ARHGAP15: variants seen among roughly 807,000 people sequenced by gnomAD.
ARHGAP15 encodes the protein Rho GTPase activating protein 15, also known as rho GTPase-activating protein 15.
ARHGAP15 carries 51 observed loss-of-function variants against 63.7 expected under a neutral mutation model. The ratio of observed to expected loss-of-function variants is 0.80; its 90% CI spans 0.64 to 1.01. The LOEUF is 1.01. ARHGAP15 is among the 50% of genes least tolerant of loss of function. The pLI is 0.00. For synonymous variants in ARHGAP15, 191 were observed against 193.8 expected (o/e 0.99, Z 0.12); for missense variants, 560 against 564.6 (o/e 0.99, Z 0.08).
intron 6 of ARHGAP15, among the ~76,000 whole-genome samples, chr2:143,329,828 T>A (rs900829155): frequency 2.0e-5 from 3 of 151,070 alleles, no homozygotes; most frequent in Admixed American, 2.0e-4. Context: ...GAGTTTTAAT[T>A]GCAAAACTTT....
intron 2 of ARHGAP15, among the ~76,000 whole-genome samples, chr2:143,182,884 T>C (rs1050313465): frequency 6.6e-6 from 1 of 152,116 alleles, no homozygotes; most frequent in African/African-American, 2.4e-5. Context: ...GAGCAGGACC[T>C]CAGGGGAGAA....
intron 6 of ARHGAP15, among the ~76,000 whole-genome samples, chr2:143,329,953 A>G (rs1184761142): frequency 1.4e-5 from 2 of 147,928 alleles, no homozygotes; most frequent in Non-Finnish European, 3.0e-5. Flanking sequence ...TTAGCCAAGC[A>G]TGGTGGCACA....
Position 143,407,987 on chromosome 2 carries a change from G to GTATA in ARHGAP15, c.475-27572_475-27569dup, listed in dbSNP as rs58194704. 4.1e-3 allele frequency among the ~76,000 whole-genome samples: 319 copies of GTATA among 77,074 alleles called. 4 individuals carry two copies. Among genetic ancestry groups the GTATA allele is most frequent in the African/African-American group, 6.5e-3 (145 of 22,304 alleles). 50.6% of individuals were successfully genotyped at this position (77,074 alleles called of 152,430 possible). A position where few individuals can be genotyped will look rare whatever the true frequency, so the allele number is the denominator to read the frequency against. ...TTTTTAAAGTCTGACTTCTGTGTGT[G>GTATA]TATATATATATATATATATATATAT... On this transcript the variant is annotated intron_variant, in intron 6 of 13. Coordinates refer to ENST00000295095, the MANE Select transcript of ARHGAP15 (RefSeq NM_018460.4).
At chr2:143,624,365 A>G (rs1698759125) in intron 12 of ARHGAP15, 98 bp downstream of exon 12, 2 of 1,324,316 alleles carry the variant, frequency 1.5e-6, no homozygotes, top group Non-Finnish European at 2.0e-6. Flanking sequence ...ATCATGGGGA[A>G]CAGATAGTAT....
In ARHGAP15 at chr2:143,479,321, C is replaced by G. The variant is rs576354652; in HGVS notation, c.704-8052C>G. ...TCACCTCTCTGGTGGAATTACCACG[C>G]CTACAACTCTTTTTGGGGTTTTTTT... On this transcript the variant is annotated intron_variant, in intron 8 of 13. Coordinates refer to ENST00000295095, the MANE Select transcript of ARHGAP15 (RefSeq NM_018460.4). 1.1e-4 allele frequency among the ~76,000 whole-genome samples: 17 copies of G among 151,874 alleles called. No homozygotes were observed. In the South Asian group the frequency reaches 3.3e-3, roughly 30 times the overall value.
At chr2:143,412,526 T>G (rs1272065285) in intron 6 of ARHGAP15, among the ~76,000 whole-genome samples, 4 of 152,218 alleles carry the variant, frequency 2.6e-5, no homozygotes, top group Non-Finnish European at 5.9e-5. Context: ...AAATTACTTT[T>G]AATTGTAGTA....
intron 6 of ARHGAP15, among the ~76,000 whole-genome samples, chr2:143,428,757 T>C (rs7558346): frequency 0.067 from 10,151 of 152,138 alleles, 362 homozygotes; most frequent in South Asian, 0.077. Context: ...CTTTTAAAAT[T>C]GAGCATTACC....
At chr2:143,715,850 G>A (rs1358153184) in intron 13 of ARHGAP15, among the ~76,000 whole-genome samples, 1 of 152,142 alleles carries the variant, frequency 6.6e-6, no homozygotes. Flanking sequence ...TTTTTATAGT[G>A]TGGGGTTTTA....
intron 12 of ARHGAP15, among the ~76,000 whole-genome samples, chr2:143,630,075 A>C (rs1020150118): frequency 6.6e-6 from 1 of 152,148 alleles, no homozygotes; most frequent in Non-Finnish European, 1.5e-5. Flanking sequence ...TAAGACTACA[A>C]GCATTTTTTC....
At chr2:143,238,368 T>C (rs1387364680) in intron 5 of ARHGAP15, 1 of 151,944 alleles carries the variant, frequency 6.6e-6, no homozygotes, top group Non-Finnish European at 1.5e-5. Flanking sequence ...AACAACTCCA[T>C]TAAAAAGTAG....
At chr2:143,231,882 C>T (rs578033208) in intron 5 of ARHGAP15, among the ~76,000 whole-genome samples, 10 of 152,184 alleles carry the variant, frequency 6.6e-5, no homozygotes, top group Non-Finnish European at 8.8e-5. Flanking sequence ...AGAGAGCAGA[C>T]GTTCGTGTCT....
intron 6 of ARHGAP15, among the ~76,000 whole-genome samples, chr2:143,385,741 G>A (rs185803196): frequency 8.0e-4 from 121 of 152,084 alleles, no homozygotes; most frequent in Non-Finnish European, 1.3e-3. Context: ...AACTAAAGCC[G>A]TTTGTTTGTA....
chr2:143,409,933 A>G (rs769449156), intron 6 of ARHGAP15, among the ~76,000 whole-genome samples: 16 of 152,100 alleles, frequency 1.1e-4, no homozygotes, highest in Non-Finnish European at 1.9e-4. Context: ...GTGATGTGTG[A>G]CTGTACTTTG....
intron 6 of ARHGAP15, among the ~76,000 whole-genome samples, chr2:143,386,115 T>C (rs1687276767): frequency 6.6e-6 from 1 of 152,084 alleles, no homozygotes; most frequent in Non-Finnish European, 1.5e-5. Context: ...ACATTATCAA[T>C]AGAGGGAGGA....
intron 6 of ARHGAP15, among the ~76,000 whole-genome samples, chr2:143,371,429 C>T (rs78802769): frequency 0.047 from 7,194 of 152,118 alleles, 473 homozygotes; most frequent in Admixed American, 0.2. Flanking sequence ...GCATATTGTC[C>T]GTCTTTCTAT....
chr2:143,431,536 CATGACCACCAGTTTA>C (rs1689389615), intron 6 of ARHGAP15, among the ~76,000 whole-genome samples: 2 of 151,996 alleles, frequency 1.3e-5, no homozygotes, highest in Non-Finnish European at 2.9e-5. Context: ...AATAACGTAT[CATGACCACCAGTTTA>C]TGCATACTTT....
At chr2:143,220,075 T>C (rs1372099606) in intron 4 of ARHGAP15, among the ~76,000 whole-genome samples, 1 of 152,240 alleles carries the variant, frequency 6.6e-6, no homozygotes, top group African/African-American at 2.4e-5. Context: ...AATCCCATTA[T>C]GTTGATAGGC....
chr2:143,559,050 C>A (rs917061037), intron 11 of ARHGAP15, among the ~76,000 whole-genome samples: 1 of 152,072 alleles, frequency 6.6e-6, no homozygotes, highest in African/African-American at 2.4e-5. Flanking sequence ...GATAAAATAG[C>A]CCTAGCCTCA....
intron 2 of ARHGAP15, among the ~76,000 whole-genome samples, chr2:143,158,537 G>A (rs1690169303): frequency 6.6e-6 from 1 of 151,878 alleles, no homozygotes; most frequent in African/African-American, 2.4e-5. Context: ...CTAAAATTTG[G>A]TTAATAAAAT....
Sources: gnomAD v4.1 joint callset for allele counts (sites outside exome capture counted in the v4.1 genomes callset) on GRCh38, gnomAD v4.1.1 for gene constraint, MANE v1.5 for transcripts, NCBI Gene and HGNC (gene_info 2026-07-23, HGNC 2026-07-21) for gene names.